ANKH: variants seen among roughly 807,000 people sequenced by gnomAD.
The protein encoded by ANKH is ANKH inorganic pyrophosphate transport regulator.
ANKH carries 15 observed loss-of-function variants against 49.0 expected under a neutral mutation model. That is an observed-to-expected ratio of 0.31 (90% CI 0.20 to 0.47). ANKH has a LOEUF of 0.47. ANKH is among the 20% of genes least tolerant of loss of function. ANKH has a pLI of 1.00. For missense variants in ANKH, 429 were observed against 652.0 expected, an observed-to-expected ratio of 0.66 and a Z score of 3.72; for synonymous variants, 273 against 260.0, an observed-to-expected ratio of 1.05 and a Z score of -0.48.
intron 2 of ANKH, among the ~76,000 whole-genome samples, chr5:14,763,605 T>C (rs77804610): frequency 0.023 from 3,489 of 152,308 alleles, 127 homozygotes; most frequent in African/African-American, 0.08. Flanking sequence ...AGTCAAGTAA[T>C]TGTGAAATTT....
At chr5:14,870,078 G>A (rs1735771432) in intron 1 of ANKH, 1 of 152,206 alleles carries the variant, frequency 6.6e-6, no homozygotes, top group South Asian at 2.1e-4. Context: ...CCCTTGTGAG[G>A]CACTGGCAGG....
At chr5:14,820,421 G>A (rs1741166063) in intron 1 of ANKH, among the ~76,000 whole-genome samples, 1 of 152,170 alleles carries the variant, frequency 6.6e-6, no homozygotes, top group Non-Finnish European at 1.5e-5. Flanking sequence ...ATTGCAATAG[G>A]GGAAAGAGAT....
At chr5:14,798,368 T>A (rs1282193282) in intron 1 of ANKH, 1 of 1,566,538 alleles carries the variant, frequency 6.4e-7, no homozygotes, top group Non-Finnish European at 8.8e-7. Flanking sequence ...ATTCTTCCAC[T>A]GTGTTGTCAA....
chr5:14,739,317 T>C (rs1738281845), intron 8 of ANKH, among the ~76,000 whole-genome samples: 1 of 152,114 alleles, frequency 6.6e-6, no homozygotes, highest in South Asian at 2.1e-4. Context: ...CTTGGTAGGC[T>C]GAGGCAGAAG....
intron 8 of ANKH, among the ~76,000 whole-genome samples, chr5:14,728,429 C>A (rs1737888422): frequency 6.6e-6 from 1 of 152,226 alleles, no homozygotes; most frequent in African/African-American, 2.4e-5. Flanking sequence ...GTGTTGAATT[C>A]CATTAATTCA....
chr5:14,772,911 C>T (rs551796562), intron 1 of ANKH, among the ~76,000 whole-genome samples: 5 of 152,230 alleles, frequency 3.3e-5, no homozygotes, highest in Admixed American at 1.3e-4. Context: ...CCAGTCAGCA[C>T]GAAGCCACTG....
intron 8 of ANKH, among the ~76,000 whole-genome samples, chr5:14,723,582 T>G (rs1156715997): frequency 1.3e-5 from 2 of 152,102 alleles, no homozygotes; most frequent in Non-Finnish European, 2.9e-5. Flanking sequence ...CAGGCTGCAG[T>G]GAGCCAAGAT....
chr5:14,747,395 C>T (rs1392792737), intron 6 of ANKH, among the ~76,000 whole-genome samples: 1 of 152,004 alleles, frequency 6.6e-6, no homozygotes, highest in Non-Finnish European at 1.5e-5. Context: ...GCCTGGACAA[C>T]AAAGCGAGAC....
chr5:14,829,181 T>C (rs1272804201), intron 1 of ANKH, among the ~76,000 whole-genome samples: 10 of 68,616 alleles, frequency 1.5e-4, no homozygotes, highest in Admixed American at 3.9e-4. Context: ...AGAGACTCTG[T>C]CTCAAAAAAA....
At chr5:14,768,867 T>C in intron 2 of ANKH, 108 bp downstream of exon 2, 1 of 1,231,670 alleles carries the variant, frequency 8.1e-7, no homozygotes, top group South Asian at 1.2e-5. Context: ...TAAGAAACAT[T>C]TGATAATTAG....
At chr5:14,798,790 C>T (rs915777639) in intron 1 of ANKH, among the ~76,000 whole-genome samples, 2 of 152,182 alleles carry the variant, frequency 1.3e-5, no homozygotes, top group African/African-American at 4.8e-5. Flanking sequence ...TCTTTCCCTT[C>T]TCCCTTGCCT....
At chr5:14,807,959 T>C (rs765605670) in intron 1 of ANKH, among the ~76,000 whole-genome samples, 19 of 152,204 alleles carry the variant, frequency 1.2e-4, no homozygotes, top group Non-Finnish European at 2.4e-4. Flanking sequence ...CTTTAAAAAA[T>C]TGGAGTTAAT....
chr5:14,803,683 C>G (rs1193451414), intron 1 of ANKH, among the ~76,000 whole-genome samples: 1 of 152,222 alleles, frequency 6.6e-6, no homozygotes, highest in Admixed American at 6.5e-5. Flanking sequence ...ATCAAGGTCT[C>G]AGTTCACTCC....
chr5:14,870,929 G>A (rs1315856024), intron 1 of ANKH: 2 of 356,070 alleles, frequency 5.6e-6, no homozygotes, highest in Non-Finnish European at 1.1e-5. Context: ...GAAGTACCTG[G>A]GAAATCAACT....
At chr5:14,764,532 TA>T (rs1006318676) in intron 2 of ANKH, among the ~76,000 whole-genome samples, 1 of 152,136 alleles carries the variant, frequency 6.6e-6, no homozygotes, top group African/African-American at 2.4e-5. Flanking sequence ...GGCCTGAGCC[TA>T]GTCAAGTTCC....
intron 8 of ANKH, among the ~76,000 whole-genome samples, chr5:14,728,683 C>T (rs1427316256): frequency 6.6e-6 from 1 of 152,150 alleles, no homozygotes; most frequent in Admixed American, 6.5e-5. Context: ...AAGGTTGCCA[C>T]AGGAAGGTGA....
At chr5:14,842,424 G>A (rs1266441238) in intron 1 of ANKH, among the ~76,000 whole-genome samples, 2 of 152,180 alleles carry the variant, frequency 1.3e-5, no homozygotes, top group African/African-American at 2.4e-5. Context: ...ATCCAAGCCA[G>A]TTCGGCAATG....
At chr5:14,778,962 C>CA (rs1739722186) in intron 1 of ANKH, among the ~76,000 whole-genome samples, 1 of 152,196 alleles carries the variant, frequency 6.6e-6, no homozygotes, top group South Asian at 2.1e-4. Flanking sequence ...TCCCTGCTCT[C>CA]AGTACTCCTA....
intron 1 of ANKH, chr5:14,826,033 A>G (rs1741331481): frequency 6.5e-6 from 1 of 154,222 alleles, no homozygotes; most frequent in Admixed American, 6.5e-5. Flanking sequence ...TTTTTCCAGG[A>G]CGAACTAAAC....
Sources: allele counts gnomAD v4.1 joint callset (sites outside exome capture counted in the v4.1 genomes callset), GRCh38; gene constraint gnomAD v4.1.1; transcripts MANE v1.5; gene names NCBI Gene and HGNC (gene_info 2026-07-23, HGNC 2026-07-21).